DLG2: variants seen among roughly 807,000 people sequenced by gnomAD.
DLG2 encodes the protein disks large homolog 2.
A neutral mutation model predicts 132.5 loss-of-function variants in DLG2; 45 were observed. The ratio of observed to expected loss-of-function variants is 0.34; its 90% CI spans 0.27 to 0.44. DLG2 has a LOEUF of 0.44. DLG2 is among the 20% of genes least tolerant of loss of function. The pLI is 1.00. For missense variants in DLG2, 1,045 were observed against 1,196.9 expected (o/e 0.87, Z 1.87); for synonymous variants, 424 against 419.6 (o/e 1.01, Z -0.13).
chr11:84,111,670 T>C (rs1273766841), intron 9 of DLG2, among the ~76,000 whole-genome samples: 1 of 152,224 alleles, frequency 6.6e-6, no homozygotes, highest in Non-Finnish European at 1.5e-5. Context: ...ATTTGTTTCT[T>C]TGAGAACCTG....
intron 3 of DLG2, among the ~76,000 whole-genome samples, chr11:85,570,495 CTCTT>C (rs1263705242): frequency 3.9e-5 from 6 of 152,262 alleles, no homozygotes; most frequent in Admixed American, 2.0e-4. Flanking sequence ...AGTTGCTTCT[CTCTT>C]TCTTCTTTTA....
chr11:83,790,756 C>T lies in DLG2; in HGVS notation c.1723-3964G>A, dbSNP rs184732595. ...TGATCCACAAAGATCTCTGGGGCAA[C>T]AACTAGGTTCTGGTCTGCCTGACTC... is the stretch of plus-strand genomic sequence containing the variant. On this transcript the variant is annotated intron_variant, in intron 17 of 27. Coordinates refer to ENST00000376104, the MANE Select transcript of DLG2 (RefSeq NM_001142699.3). 9 of 762,412 alleles carry T rather than the reference C, an allele frequency of 1.2e-5. No homozygotes were observed. The East Asian group carries it at 2.2e-4, about 19-fold the overall frequency. The allele number at this position is 762,412 out of a possible 1,614,324, so 47.2% of individuals were successfully genotyped here.
intron 4 of DLG2, among the ~76,000 whole-genome samples, chr11:85,247,117 C>T (rs777902066): frequency 1.8e-4 from 28 of 152,132 alleles, no homozygotes; most frequent in African/African-American, 6.5e-4. Flanking sequence ...TTACGTTGAT[C>T]ATACAATTTT....
At chr11:84,671,391 T>C (rs1291771053) in intron 6 of DLG2, among the ~76,000 whole-genome samples, 29 of 152,078 alleles carry the variant, frequency 1.9e-4, no homozygotes, top group Admixed American at 1.9e-3. Context: ...GTGTGAGCCA[T>C]TGTACCTGGC....
intron 3 of DLG2, among the ~76,000 whole-genome samples, chr11:85,340,326 C>A (rs1230740844): frequency 1.3e-5 from 2 of 152,172 alleles, no homozygotes. Context: ...AGGATGAGTT[C>A]ATGTCCTTTG....
At chr11:85,553,778 T>C (rs780980486) in intron 3 of DLG2, among the ~76,000 whole-genome samples, 4 of 151,274 alleles carry the variant, frequency 2.6e-5, no homozygotes, top group Non-Finnish European at 4.4e-5. Context: ...ATCAACAAAA[T>C]TGGAGAACAA....
intron 6 of DLG2, among the ~76,000 whole-genome samples, chr11:84,891,377 TA>T (rs1358049501): frequency 6.6e-6 from 1 of 152,168 alleles, no homozygotes; most frequent in Non-Finnish European, 1.5e-5. Context: ...GTAATAAGGA[TA>T]AATATTAGCA....
Position 83,703,093 on chromosome 11 carries a change from ATGCTCT to A in DLG2, c.1826-69774_1826-69769del, listed in dbSNP as rs1010643357. On this transcript the variant is annotated intron_variant, in intron 18 of 27. Transcript: ENST00000376104. ...TCTCACATAGCCCCAGGAAAGCCAC[ATGCTCT>A]TGCCTTTTAACCCAGCATCTTTAAC... is the stretch of plus-strand genomic sequence containing the variant. 3.5e-4 allele frequency among the ~76,000 whole-genome samples: 53 copies of A among 152,368 alleles called. No individual in the cohort carries two copies. In the East Asian group the frequency reaches 4.2e-3, roughly 12 times the overall value.
At chr11:84,610,800 C>A (rs991441776) in intron 6 of DLG2, among the ~76,000 whole-genome samples, 89 of 152,168 alleles carry the variant, frequency 5.8e-4, no homozygotes, top group African/African-American at 2.1e-3. Flanking sequence ...CATTCCCAGA[C>A]CAGCATCCCA....
chr11:85,313,865 CA>C (rs2080471293), intron 3 of DLG2, among the ~76,000 whole-genome samples: 1 of 151,772 alleles, frequency 6.6e-6, no homozygotes, highest in Non-Finnish European at 1.5e-5. Flanking sequence ...ACCTCAATTG[CA>C]AAACTCATTG....
At chr11:84,034,150 ACCACCACCCTGATCAGTCAGCAG>A (rs1361071590) in intron 11 of DLG2, among the ~76,000 whole-genome samples, 4 of 152,068 alleles carry the variant, frequency 2.6e-5, no homozygotes, top group Non-Finnish European at 5.9e-5. Context: ...TCTTTCAGCA[ACCACCACCCTGATCAGTCAGCAG>A]CCACCACCCT....
intron 10 of DLG2, among the ~76,000 whole-genome samples, chr11:84,076,569 G>C (rs956053833): frequency 3.3e-5 from 5 of 152,178 alleles, no homozygotes; most frequent in African/African-American, 1.2e-4. Context: ...TTCTGGTCTT[G>C]TTCACTTCCC....
intron 14 of DLG2, among the ~76,000 whole-genome samples, chr11:83,930,822 A>G (rs1271457502): frequency 4.6e-5 from 7 of 152,170 alleles, no homozygotes; most frequent in Non-Finnish European, 1.0e-4. Flanking sequence ...CCGTTTACTT[A>G]CCTGGAACAC....
chr11:85,395,399 C>T (rs2087227512), intron 3 of DLG2, among the ~76,000 whole-genome samples: 1 of 152,062 alleles, frequency 6.6e-6, no homozygotes, highest in African/African-American at 2.4e-5. Context: ...CTCATTGGGA[C>T]TGGTTGGACA....
chr11:84,718,929 C>A (rs1364732808), intron 6 of DLG2, among the ~76,000 whole-genome samples: 2 of 152,144 alleles, frequency 1.3e-5, no homozygotes, highest in Non-Finnish European at 2.9e-5. Flanking sequence ...TTTTAACCAA[C>A]CCTACAGTGT....
chr11:84,957,470 G>C (rs1466343985), intron 6 of DLG2, among the ~76,000 whole-genome samples: 4 of 152,066 alleles, frequency 2.6e-5, no homozygotes, highest in Non-Finnish European at 5.9e-5. Flanking sequence ...TTTATATAGG[G>C]CCACCTCACA....
chr11:83,961,451 T>C (rs1273515496), intron 14 of DLG2, among the ~76,000 whole-genome samples: 1 of 152,036 alleles, frequency 6.6e-6, no homozygotes, highest in Non-Finnish European at 1.5e-5. Flanking sequence ...GTTAAGGCAC[T>C]CAGTTTTTCT....
chr11:84,714,587 CTTTCTCTT>C (rs2060877128), intron 6 of DLG2, among the ~76,000 whole-genome samples: 2 of 132,056 alleles, frequency 1.5e-5, no homozygotes, highest in Admixed American at 7.4e-5. Context: ...TTCTCTTTCT[CTTTCTCTT>C]TCTTTCTCTT....
At chr11:84,880,417 G>A (rs1186276429) in intron 6 of DLG2, among the ~76,000 whole-genome samples, 1 of 152,082 alleles carries the variant, frequency 6.6e-6, no homozygotes, top group Admixed American at 6.6e-5. Flanking sequence ...CATACACCTA[G>A]CAAATTAAAT....
Sources: gnomAD v4.1 joint callset for allele counts (sites outside exome capture counted in the v4.1 genomes callset) on GRCh38, gnomAD v4.1.1 for gene constraint, MANE v1.5 for transcripts, NCBI Gene and HGNC (gene_info 2026-07-23, HGNC 2026-07-21) for gene names.